PCDH7: variants seen among roughly 807,000 people sequenced by gnomAD.
The protein encoded by PCDH7 is protocadherin 7, also known as protocadherin-7.
PCDH7 carries 17 observed loss-of-function variants against 58.9 expected under a neutral mutation model. That is an observed-to-expected ratio of 0.29 (90% CI 0.20 to 0.43). The LOEUF (loss-of-function observed/expected upper bound fraction) is 0.43, where lower values mean the gene tolerates loss of function less well. Ranked by LOEUF, PCDH7 falls within the 20% of genes least tolerant of loss-of-function variation. PCDH7 has a pLI of 1.00. For synonymous variants in PCDH7, 664 were observed against 616.4 expected (o/e 1.08, Z -1.14); for missense variants, 1,274 against 1,441.0 (o/e 0.88, Z 1.88).
intron 3 of PCDH7, among the ~76,000 whole-genome samples, chr4:30,993,739 A>AT (rs550362856): frequency 8.8e-4 from 131 of 148,268 alleles, no homozygotes; most frequent in Middle Eastern, 3.5e-3. Context: ...TTCAATTTAG[A>AT]TTTTTTTTTT....
At chr4:30,914,951 A>G (rs566220382) in intron 1 of PCDH7, among the ~76,000 whole-genome samples, 1 of 152,276 alleles carries the variant, frequency 6.6e-6, no homozygotes, top group South Asian at 2.1e-4. Flanking sequence ...TTAAACACAC[A>G]TACACACACA....
At chr4:30,920,299 A>C (rs750734926) in exon 2 of PCDH7, 1 of 1,367,258 alleles carries the variant, frequency 7.3e-7, no homozygotes, top group Non-Finnish European at 9.8e-7. Context: ...GTGCGCTTCC[A>C]CTCCCAGAGG....
chr4:31,107,733 G>A (rs1223513163), intron 3 of PCDH7, among the ~76,000 whole-genome samples: 1 of 152,052 alleles, frequency 6.6e-6, no homozygotes. Context: ...AATAAAAGTA[G>A]TTTATAATCT....
intron 3 of PCDH7, among the ~76,000 whole-genome samples, chr4:31,049,932 A>C (rs1434826938): frequency 1.3e-5 from 2 of 152,170 alleles, no homozygotes; most frequent in Admixed American, 6.6e-5. Context: ...CATAGCCTAA[A>C]AGCTGAAAGG....
intron 3 of PCDH7, among the ~76,000 whole-genome samples, chr4:31,039,900 T>A (rs951374187): frequency 6.6e-6 from 1 of 152,130 alleles, no homozygotes; most frequent in Admixed American, 6.5e-5. Flanking sequence ...ACAGAACTTC[T>A]AGACATTCAA....
intron 1 of PCDH7, among the ~76,000 whole-genome samples, chr4:30,782,399 T>G (rs1384775349): frequency 2.0e-5 from 3 of 152,212 alleles, no homozygotes; most frequent in Admixed American, 6.5e-5. Flanking sequence ...GATTAAACAC[T>G]CTGAGCTTCT....
At chr4:30,939,830 T>A (rs1745810702) in intron 2 of PCDH7, among the ~76,000 whole-genome samples, 1 of 152,096 alleles carries the variant, frequency 6.6e-6, no homozygotes, top group South Asian at 2.1e-4. Flanking sequence ...GAGTCTAAAT[T>A]TGATGTAGGA....
chr4:30,768,410 G>T (rs1313232834), intron 1 of PCDH7, among the ~76,000 whole-genome samples: 1 of 152,162 alleles, frequency 6.6e-6, no homozygotes, highest in African/African-American at 2.4e-5. Flanking sequence ...TAGAAAGAAG[G>T]TCGAGTGGAT....
intron 1 of PCDH7, among the ~76,000 whole-genome samples, chr4:30,825,594 G>A (rs1355237327): frequency 6.6e-6 from 1 of 152,108 alleles, no homozygotes; most frequent in Admixed American, 6.6e-5. Flanking sequence ...CTTAACTGCT[G>A]CATTACTGTG....
chr4:30,928,346 T>C (rs1560508905), intron 2 of PCDH7, among the ~76,000 whole-genome samples: 1 of 152,192 alleles, frequency 6.6e-6, no homozygotes, highest in African/African-American at 2.4e-5. Flanking sequence ...TTTTAATAAG[T>C]AAAGTATTTT....
At chr4:30,772,780 A>G (rs921857149) in intron 1 of PCDH7, among the ~76,000 whole-genome samples, 1 of 152,216 alleles carries the variant, frequency 6.6e-6, no homozygotes, top group Non-Finnish European at 1.5e-5. Flanking sequence ...ATGTCATCCC[A>G]TATACACAGC....
intron 1 of PCDH7, among the ~76,000 whole-genome samples, chr4:30,820,459 C>G (rs571619735): frequency 6.6e-6 from 1 of 152,242 alleles, no homozygotes; most frequent in African/African-American, 2.4e-5. Context: ...GCGTATTTGA[C>G]TACTTCTTGT....
intron 2 of PCDH7, among the ~76,000 whole-genome samples, chr4:30,935,908 T>C (rs1336082417): frequency 6.6e-6 from 1 of 152,028 alleles, no homozygotes; most frequent in Non-Finnish European, 1.5e-5. Context: ...TGCAATACAA[T>C]TGGAGCACAA....
At chr4:30,906,665 T>G (rs143031141) in intron 1 of PCDH7, among the ~76,000 whole-genome samples, 64 of 152,318 alleles carry the variant, frequency 4.2e-4, no homozygotes, top group African/African-American at 1.5e-3. Flanking sequence ...TTCCAGTAAT[T>G]TGATATATTA....
intron 3 of PCDH7, among the ~76,000 whole-genome samples, chr4:31,011,854 A>C (rs1753211896): frequency 6.6e-6 from 1 of 152,144 alleles, no homozygotes; most frequent in Middle Eastern, 3.4e-3. Flanking sequence ...CAGCATTCCT[A>C]TACCATAATT....
intron 3 of PCDH7, among the ~76,000 whole-genome samples, chr4:31,030,365 C>T (rs1239953306): frequency 6.6e-6 from 1 of 152,114 alleles, no homozygotes; most frequent in Non-Finnish European, 1.5e-5. Flanking sequence ...TAGTTATTTG[C>T]TCAATTACCA....
intron 3 of PCDH7, among the ~76,000 whole-genome samples, chr4:31,027,279 T>A (rs1333246932): frequency 6.6e-6 from 1 of 152,200 alleles, no homozygotes; most frequent in Non-Finnish European, 1.5e-5. Context: ...GAGAAAAATT[T>A]CGCTCTGCAT....
intron 3 of PCDH7, among the ~76,000 whole-genome samples, chr4:31,101,380 T>C (rs1322277281): frequency 1.3e-5 from 2 of 152,200 alleles, no homozygotes; most frequent in African/African-American, 4.8e-5. Context: ...CTTGTAGGCA[T>C]CACTTTAAAT....
downstream of PCDH7, chr4:31,142,990 T>TCTC: frequency 8.0e-6 from 4 of 498,532 alleles, no homozygotes; most frequent in African/African-American, 2.0e-5. Flanking sequence ...TGCCTCCAGA[T>TCTC]CAGGCCTTTA....
Sources: allele counts gnomAD v4.1 joint callset (sites outside exome capture counted in the v4.1 genomes callset), GRCh38; gene constraint gnomAD v4.1.1; transcripts MANE v1.5; gene names NCBI Gene and HGNC (gene_info 2026-07-23, HGNC 2026-07-21).